The following EFNA5 variants were observed in gnomAD, a reference collection of about 807,000 sequenced individuals.
The protein encoded by EFNA5 is ephrin A5.
In EFNA5, 5 loss-of-function variants were observed where a neutral mutation model predicts 22.9. That is an observed-to-expected ratio of 0.22 (90% CI 0.11 to 0.46). The LOEUF (loss-of-function observed/expected upper bound fraction) is 0.46. EFNA5 is among the 20% of genes least tolerant of loss of function. The pLI, the probability that EFNA5 is intolerant of heterozygous loss-of-function variation, is 0.99. For missense variants in EFNA5, 237 were observed against 293.3 expected (o/e 0.81, Z 1.40); for synonymous variants, 113 against 112.2 (o/e 1.01, Z -0.04).
intron 1 of EFNA5, among the ~76,000 whole-genome samples, chr5:107,429,159 C>G (rs868031734): frequency 9.9e-5 from 15 of 152,280 alleles, no homozygotes; most frequent in Admixed American, 2.6e-4. Flanking sequence ...ATACCACCTT[C>G]TAGCCGGGTA....
chr5:107,627,730 T>G (rs1288398559), intron 1 of EFNA5, among the ~76,000 whole-genome samples: 2 of 152,116 alleles, frequency 1.3e-5, no homozygotes, highest in African/African-American at 2.4e-5. Context: ...TATTTAAGTG[T>G]AATCTTTCAT....
intron 1 of EFNA5, among the ~76,000 whole-genome samples, chr5:107,602,216 A>T (rs1288229520): frequency 6.6e-6 from 1 of 152,186 alleles, no homozygotes; most frequent in Non-Finnish European, 1.5e-5. Flanking sequence ...TAAATTTGGA[A>T]AATCCACAGG....
chr5:107,475,619 G>A (rs1226755834), intron 1 of EFNA5, among the ~76,000 whole-genome samples: 1 of 151,992 alleles, frequency 6.6e-6, no homozygotes, highest in Non-Finnish European at 1.5e-5. Flanking sequence ...TTGCTAAAGG[G>A]GAACAGAGCC....
intron 1 of EFNA5, among the ~76,000 whole-genome samples, chr5:107,554,719 T>A (rs1196521711): frequency 1.3e-5 from 2 of 152,198 alleles, no homozygotes; most frequent in Non-Finnish European, 2.9e-5. Context: ...TACTGTGAGA[T>A]CAACTTCACT....
In EFNA5 at chr5:107,502,838, C is replaced by T. The variant is rs114896555; in HGVS notation, c.126-75329G>A. Among the ~76,000 whole-genome samples the T allele has an allele frequency of 2.4e-3, 358 of 152,254 alleles. 2 individuals are homozygous for T. Among genetic ancestry groups the T allele is most frequent in the African/African-American group, 8.0e-3 (331 of 41,550 alleles). ...AAGGCGGGAAGGACTATCTCTGATA[C>T]GGTGCATCTGCTTACTAATAGCAGC... On this transcript the variant is annotated intron_variant, in intron 1 of 4. Coordinates refer to ENST00000333274, the MANE Select transcript of EFNA5 (RefSeq NM_001962.3).
At chr5:107,577,924 A>C (rs1324452685) in intron 1 of EFNA5, among the ~76,000 whole-genome samples, 1 of 152,136 alleles carries the variant, frequency 6.6e-6, no homozygotes, top group Non-Finnish European at 1.5e-5. Flanking sequence ...GACTTCCTGA[A>C]ATCTTAGGTT....
At chr5:107,620,855 A>G (rs1179664006) in intron 1 of EFNA5, among the ~76,000 whole-genome samples, 1 of 152,238 alleles carries the variant, frequency 6.6e-6, no homozygotes, top group Admixed American at 6.5e-5. Flanking sequence ...AGGTGCAAAG[A>G]AGCAGGAATA....
chr5:107,527,669 C>A, intron 1 of EFNA5, among the ~76,000 whole-genome samples: 1 of 152,124 alleles, frequency 6.6e-6, no homozygotes. Context: ...ATCCTAAAAT[C>A]ATTCTATTGT....
At chr5:107,451,413 T>A (rs955754069) in intron 1 of EFNA5, among the ~76,000 whole-genome samples, 1 of 152,132 alleles carries the variant, frequency 6.6e-6, no homozygotes, top group Non-Finnish European at 1.5e-5. Flanking sequence ...GAATAAAAAA[T>A]TTTTTCCTAA....
At chr5:107,422,459 T>C (rs1057372062) in intron 2 of EFNA5, among the ~76,000 whole-genome samples, 1 of 152,342 alleles carries the variant, frequency 6.6e-6, no homozygotes, top group South Asian at 2.1e-4. Context: ...TATTTTTATA[T>C]AGAGAGGTCA....
chr5:107,439,820 A>G (rs940467452), intron 1 of EFNA5, among the ~76,000 whole-genome samples: 1 of 152,224 alleles, frequency 6.6e-6, no homozygotes, highest in Non-Finnish European at 1.5e-5. Context: ...GAAAAGTCAC[A>G]TATTCCATTT....
intron 1 of EFNA5, among the ~76,000 whole-genome samples, chr5:107,543,565 TA>T (rs1264245307): frequency 2.6e-5 from 4 of 152,184 alleles, no homozygotes; most frequent in Non-Finnish European, 5.9e-5. Context: ...ACTATTGTCA[TA>T]AAAAAGTGCT....
chr5:107,465,663 G>GT (rs1369283407), intron 1 of EFNA5, among the ~76,000 whole-genome samples: 1 of 152,050 alleles, frequency 6.6e-6, no homozygotes, highest in African/African-American at 2.4e-5. Context: ...TCACAGCAGC[G>GT]TAAGAAATGT....
intron 2 of EFNA5, among the ~76,000 whole-genome samples, chr5:107,405,035 C>T (rs745686902): frequency 2.0e-5 from 3 of 152,192 alleles, no homozygotes; most frequent in Non-Finnish European, 2.9e-5. Context: ...TTATGATGTG[C>T]TCCTAAGTAC....
intron 1 of EFNA5, among the ~76,000 whole-genome samples, chr5:107,527,499 C>A (rs571834934): frequency 1.4e-4 from 21 of 152,020 alleles, no homozygotes; most frequent in Non-Finnish European, 2.1e-4. Context: ...GTTGGCCAGG[C>A]TTATCTTGAA....
intron 1 of EFNA5, among the ~76,000 whole-genome samples, chr5:107,491,621 T>C (rs972721301): frequency 6.6e-6 from 1 of 151,966 alleles, no homozygotes; most frequent in African/African-American, 2.4e-5. Flanking sequence ...TGTTCTTTCT[T>C]TTTTCTTGGT....
chr5:107,639,616 T>C (rs760547381), intron 1 of EFNA5, among the ~76,000 whole-genome samples: 5 of 152,198 alleles, frequency 3.3e-5, no homozygotes, highest in Non-Finnish European at 5.9e-5. Flanking sequence ...TATAAATGTA[T>C]TAAGTGCCCA....
intron 1 of EFNA5, among the ~76,000 whole-genome samples, chr5:107,548,039 G>C (rs80231913): frequency 0.03 from 4,531 of 152,180 alleles, 235 homozygotes; most frequent in African/African-American, 0.1. Context: ...TAATTGTGAA[G>C]AATAAACTAC....
At chr5:107,655,061 GA>G (rs1245600678) in intron 1 of EFNA5, among the ~76,000 whole-genome samples, 1 of 151,080 alleles carries the variant, frequency 6.6e-6, no homozygotes, top group African/African-American at 2.4e-5. Flanking sequence ...GTCTTTGGCT[GA>G]TATTCTTTAA....
Sources: allele counts gnomAD v4.1 joint callset (sites outside exome capture counted in the v4.1 genomes callset), GRCh38; gene constraint gnomAD v4.1.1; transcripts MANE v1.5; gene names NCBI Gene and HGNC (gene_info 2026-07-23, HGNC 2026-07-21).